The following DLGAP2 variants were observed in gnomAD, a reference collection of about 807,000 sequenced individuals.
The protein encoded by DLGAP2 is DLG associated protein 2.
DLGAP2 carries 26 observed loss-of-function variants against 100.3 expected under a neutral mutation model. The ratio of observed to expected loss-of-function variants is 0.26; its 90% confidence interval spans 0.19 to 0.36. DLGAP2 has a LOEUF of 0.36. DLGAP2 is among the 10% of genes least tolerant of loss of function. DLGAP2 has a pLI of 1.00. For missense variants in DLGAP2, 1,858 were observed against 1,453.2 expected (o/e 1.28, Z -4.53); for synonymous variants, 886 against 630.1 (o/e 1.41, Z -6.08).
At chr8:1,458,064 A>G (rs1301387880) in intron 3 of DLGAP2, among the ~76,000 whole-genome samples, 2 of 146,194 alleles carry the variant, frequency 1.4e-5, no homozygotes, top group African/African-American at 2.5e-5. Flanking sequence ...ATGTATATGT[A>G]TATAATTTTT....
intron 3 of DLGAP2, among the ~76,000 whole-genome samples, chr8:1,273,570 T>G (rs1334289979): frequency 6.6e-6 from 1 of 152,220 alleles, no homozygotes; most frequent in Non-Finnish European, 1.5e-5. Context: ...GCTTCAGACG[T>G]GCCGTGACGG....
At chr8:801,130 G>A (rs1055148125) in intron 1 of DLGAP2, among the ~76,000 whole-genome samples, 10 of 152,208 alleles carry the variant, frequency 6.6e-5, no homozygotes, top group African/African-American at 1.2e-4. Context: ...TGATTAGACC[G>A]AAGGCGTTGT....
chr8:1,190,845 C>T (rs1797618307), intron 2 of DLGAP2, among the ~76,000 whole-genome samples: 1 of 152,142 alleles, frequency 6.6e-6, no homozygotes, highest in Non-Finnish European at 1.5e-5. Flanking sequence ...AGCCCAGGCT[C>T]CAGGCGCACG....
chr8:1,333,491 C>G (rs886785821), intron 3 of DLGAP2, among the ~76,000 whole-genome samples: 4 of 152,138 alleles, frequency 2.6e-5, no homozygotes, highest in Non-Finnish European at 5.9e-5. Flanking sequence ...GTTTTGTGAG[C>G]TCTTCCACAG....
chr8:1,340,677 C>T (rs1801397082), intron 3 of DLGAP2, among the ~76,000 whole-genome samples: 1 of 152,176 alleles, frequency 6.6e-6, no homozygotes, highest in Non-Finnish European at 1.5e-5. Flanking sequence ...GTGGTGGTTC[C>T]TTGGAGACCT....
intron 1 of DLGAP2, among the ~76,000 whole-genome samples, chr8:812,878 C>A (rs1369766381): frequency 6.6e-6 from 1 of 152,076 alleles, no homozygotes; most frequent in Non-Finnish European, 1.5e-5. Flanking sequence ...TAGTAAAATT[C>A]CTATTTAAGT....
intron 2 of DLGAP2, among the ~76,000 whole-genome samples, chr8:1,013,470 G>A (rs2129021542): frequency 6.6e-6 from 1 of 152,260 alleles, no homozygotes; most frequent in Middle Eastern, 3.4e-3. Flanking sequence ...AGGCAGATGA[G>A]CCAGCCTTTC....
At chr8:787,113 A>G (rs1821887038) in intron 1 of DLGAP2, among the ~76,000 whole-genome samples, 1 of 152,094 alleles carries the variant, frequency 6.6e-6, no homozygotes, top group Non-Finnish European at 1.5e-5. Context: ...GCTTTATTCA[A>G]TTTTCCTTCA....
chr8:1,144,683 G>T (rs1796575472), intron 2 of DLGAP2, among the ~76,000 whole-genome samples: 1 of 152,164 alleles, frequency 6.6e-6, no homozygotes, highest in Admixed American at 6.5e-5. Context: ...GTGAATACAG[G>T]CCCTGTCTGC....
At chr8:1,514,230 G>C (rs542071746) in intron 4 of DLGAP2, among the ~76,000 whole-genome samples, 3 of 152,332 alleles carry the variant, frequency 2.0e-5, no homozygotes, top group Admixed American at 6.5e-5. Flanking sequence ...CAGTACAAAT[G>C]TCCTCTTTCT....
At chr8:1,060,606 C>G (rs923264751) in intron 2 of DLGAP2, among the ~76,000 whole-genome samples, 2 of 152,180 alleles carry the variant, frequency 1.3e-5, no homozygotes, top group African/African-American at 2.4e-5. Flanking sequence ...CTTAATTAAT[C>G]ACATCCGTAA....
chr8:1,205,199 A>AT (rs923409406), intron 2 of DLGAP2, among the ~76,000 whole-genome samples: 6 of 151,994 alleles, frequency 3.9e-5, no homozygotes, highest in African/African-American at 1.2e-4. Flanking sequence ...TTTTGTTTTT[A>AT]TTTTTTGTAA....
chr8:1,585,572 C>T (rs145294723), intron 6 of DLGAP2, among the ~76,000 whole-genome samples: 45 of 152,340 alleles, frequency 3.0e-4, no homozygotes, highest in African/African-American at 9.9e-4. Context: ...CCACAGACCA[C>T]GTAAGCTTTT....
chr8:1,262,470 C>T (rs754749793), intron 3 of DLGAP2: 12 of 152,210 alleles, frequency 7.9e-5, no homozygotes, highest in African/African-American at 2.2e-4. Context: ...GAAAATGGAG[C>T]GGCATTTTAG....
intron 1 of DLGAP2, among the ~76,000 whole-genome samples, chr8:771,550 G>A (rs1821360860): frequency 6.6e-6 from 1 of 152,162 alleles, no homozygotes; most frequent in South Asian, 2.1e-4. Flanking sequence ...TTTGTGGATT[G>A]CCAGGGCAAC....
At chr8:836,437 G>T (rs1237634658) in intron 1 of DLGAP2, among the ~76,000 whole-genome samples, 5 of 152,214 alleles carry the variant, frequency 3.3e-5, no homozygotes, top group African/African-American at 4.8e-5. Context: ...TGTAGGTCCT[G>T]CAGGCGCCCT....
rs1331108046 is a variant in DLGAP2, at chr8:1,408,692, C to T, written c.107-92674C>T. 2.6e-5 allele frequency among the ~76,000 whole-genome samples: 4 copies of T among 152,176 alleles called. No individual in the cohort carries two copies. In the East Asian group the frequency reaches 5.8e-4, roughly 22 times the overall value. ...GAGGCCTTCTAGCAAGTCCTTGTTT[C>T]AGGCTTTCACAGGACAGTGCAGAGG... On this transcript the variant is annotated intron_variant, in intron 3 of 14. Coordinates refer to ENST00000637795, the MANE Select transcript of DLGAP2 (RefSeq NM_001346810.2).
At chr8:974,132 A>G (rs1291451903) in intron 2 of DLGAP2, among the ~76,000 whole-genome samples, 2 of 152,214 alleles carry the variant, frequency 1.3e-5, no homozygotes, top group Admixed American at 6.5e-5. Flanking sequence ...AATTTTTCGG[A>G]ACTAATGGTA....
intron 3 of DLGAP2, among the ~76,000 whole-genome samples, chr8:1,440,964 C>G (rs879834440): frequency 6.6e-6 from 1 of 152,166 alleles, no homozygotes; most frequent in East Asian, 1.9e-4. Context: ...GCACGTAAGT[C>G]TACATGAAAC....
Sources: gnomAD v4.1 joint callset for allele counts (sites outside exome capture counted in the v4.1 genomes callset) on GRCh38, gnomAD v4.1.1 for gene constraint, MANE v1.5 for transcripts, NCBI Gene and HGNC (gene_info 2026-07-23, HGNC 2026-07-21) for gene names.